IRX4: variants seen among roughly 807,000 people sequenced by gnomAD.
IRX4 encodes iroquois homeobox 4.
Under a neutral mutation model 32.0 loss-of-function variants are expected in IRX4, and 22 were observed. The observed-to-expected ratio is 0.69, with a 90% CI of 0.49 to 0.98. IRX4 has a LOEUF of 0.98. IRX4 is among the 50% of genes least tolerant of loss of function. The pLI, the probability that IRX4 is intolerant of heterozygous loss-of-function variation, is 0.00. For missense variants in IRX4, 840 were observed against 744.2 expected, an observed-to-expected ratio of 1.13 and a Z score of -1.50; for synonymous variants, 379 against 351.7, an observed-to-expected ratio of 1.08 and a Z score of -0.87.
At chr5:1,883,502 T>A (rs1272270273), upstream of IRX4, among the ~76,000 whole-genome samples, 1 of 152,150 alleles carries the variant, frequency 6.6e-6, no homozygotes, top group Non-Finnish European at 1.5e-5. Context: ...CAGAACCCAC[T>A]GCGGCCGCAA....
Position 1,879,804 on chromosome 5 carries a change from G to A in IRX4, c.436C>T (p.Arg146Cys). 2 of 1,614,046 alleles carry A rather than the reference G, an allele frequency of 1.2e-6. No individual in the cohort carries two copies. The highest frequency in any genetic ancestry group is 1.7e-6 in the Non-Finnish European group (2 of 1,180,024). The change falls in exon 4 of 5, where the codon CGC (arginine) becomes TGC (cysteine). Residue 146 changes from arginine (R) to cysteine (C), a missense_variant. Arg to Cys is a radical substitution (Grantham distance 180). Around this residue, in one of 3 missense-constraint regions of IRX4, gnomAD observed 241 missense variants for 220.8 expected, o/e 1.09. Coordinates refer to ENST00000231357, the MANE Select transcript of IRX4 (RefSeq NM_016358.3). ...GTGGTCTCGCGCGTGGCGTTCTTGCGCCGCGTGCCGCTGTCCATGGTTCCA... is the reference window on the plus strand; with the variant it reads ...GTGGTCTCGCGCGTGGCGTTCTTGCACCGCGTGCCGCTGTCCATGGTTCCA... Reference protein sequence around the residue: ...RYGTMDSGTRRKNATRETTST... With the variant: ...RYGTMDSGTRCKNATRETTST...
Position 1,878,516 on chromosome 5 carries a change from G to A in IRX4, c.1013C>T (p.Pro338Leu). 7.0e-7 allele frequency: 1 copy of A among 1,434,956 alleles called. No individual in the cohort carries two copies. Among genetic ancestry groups the A allele is most frequent in the Non-Finnish European group, 9.1e-7 (1 of 1,101,752 alleles). 88.9% of individuals were successfully genotyped at this position (1,434,956 alleles called of 1,614,324 possible). ...RSAAAGPEPL[P>L]GAEGGPQVCE... is the part of the protein sequence containing the mutation. ...GACCTGAGGGCCGCCCTCTGCGCCC[G>A]GCAGTGGCTCCGGCCCGGCCGCCGC... The change falls in exon 5 of 5, where the codon CCG becomes CTG. Residue 338 changes from proline (P) to leucine (L), a missense_variant. By Grantham distance (98) the Pro-to-Leu change is moderately conservative. Transcript: ENST00000231357.
chr5:1,881,688 G>A (rs1735445160), intron 2 of IRX4, 120 bp downstream of exon 2: 1 of 1,269,506 alleles, frequency 7.9e-7, no homozygotes, highest in Non-Finnish European at 1.1e-6. Flanking sequence ...AGGCAGCCAA[G>A]GTGAGCGCCT....
chr5:1,877,797 TG>T lies in IRX4; in HGVS notation c.*171del. On this transcript the variant is annotated 3_prime_UTR_variant, in exon 5 of 5. Transcript: ENST00000231357. ...GGCCCAGGCGGTGGAGGCCCCGGCG[TG>T]GCAGCGCCGGGCTTGTCCATGTTCC... 1.6e-6 allele frequency: 1 copy of T among 637,652 alleles called. No individual in the cohort carries two copies. Among genetic ancestry groups the T allele is most frequent in the Non-Finnish European group, 2.5e-6 (1 of 394,482 alleles). 39.5% of individuals were successfully genotyped at this position (637,652 alleles called of 1,614,324 possible).
intron 4 of IRX4, 62 bp from the exon 5 acceptor site, chr5:1,878,854 TC>T: frequency 6.5e-7 from 1 of 1,544,562 alleles, no homozygotes; most frequent in Non-Finnish European, 8.9e-7. Context: ...AGACCCCCTG[TC>T]CCCGTCCACC....
upstream of IRX4, among the ~76,000 whole-genome samples, chr5:1,883,181 CTT>C (rs1735516207): frequency 6.6e-6 from 1 of 152,214 alleles, no homozygotes; most frequent in Non-Finnish European, 1.5e-5. Context: ...CGGTGTTTCT[CTT>C]TAGTCACCCG....
Position 1,877,835 on chromosome 5 carries a change from G to A in IRX4, c.*134C>T. 3 of 834,180 alleles carry A rather than the reference G, an allele frequency of 3.6e-6. No individual in the cohort carries two copies. In the Admixed American group the frequency reaches 8.9e-5, roughly 25 times the overall value. The allele number at this position is 834,180 out of a possible 1,614,324, so 51.7% of individuals were successfully genotyped here. A position where few individuals can be genotyped will look rare whatever the true frequency, so the allele number is the denominator to read the frequency against. Reference sequence around the variant, plus strand: ...CTTGTCCATGTTCCCAGGAGTCCAAGTTCAGAAGCCCCCTCTCCGGTGGGT... The same window carrying A: ...CTTGTCCATGTTCCCAGGAGTCCAAATTCAGAAGCCCCCTCTCCGGTGGGT... On this transcript the variant is annotated 3_prime_UTR_variant, in exon 5 of 5. Coordinates refer to ENST00000231357, the MANE Select transcript of IRX4 (RefSeq NM_016358.3).
intron 4 of IRX4, 103 bp downstream of exon 4, chr5:1,879,401 T>C: frequency 6.4e-7 from 1 of 1,558,286 alleles, no homozygotes; most frequent in Non-Finnish European, 8.7e-7. Context: ...CGCCTAGGCA[T>C]GGGGCTCGGC....
intron 2 of IRX4, among the ~76,000 whole-genome samples, chr5:1,881,471 C>A (rs1156640718): frequency 6.7e-6 from 1 of 150,062 alleles, no homozygotes; most frequent in Non-Finnish European, 1.5e-5. Flanking sequence ...CTGAAGGAGG[C>A]GGGGAGAGGA....
intron 2 of IRX4, chr5:1,881,070 C>CGGGGGGGAGGGGGGGGGGGGGGGGG (rs1735416270): frequency 1.1e-5 from 1 of 92,252 alleles, no homozygotes; most frequent in Admixed American, 2.7e-4. Context: ...TGGGGGGGGG[C>CGGGGGGGAGGGGGGGGGGGGGGGGG]GGGGGGGAGG....
At chr5:1,880,683 G>C in intron 3 of IRX4, 42 bp downstream of exon 3, 2 of 1,343,058 alleles carry the variant, frequency 1.5e-6, no homozygotes, top group Non-Finnish European at 2.1e-6. Context: ...CAGTGCAGAG[G>C]GCCCGTGGGG....
Position 1,881,718 on chromosome 5 carries a change from G to C in IRX4, c.297+90C>G, listed in dbSNP as rs1735446171. On this transcript the variant is annotated intron_variant, in intron 2 of 4. Transcript: ENST00000231357. ...GCGCCTCCCCTCTGTGACAGTCCGG[G>C]GACCCGGACTGGCGCGCCTACTGGG... The C allele has an allele frequency of 8.0e-6, 12 of 1,492,080 alleles. No homozygotes were observed. The Middle Eastern group carries it at 1.1e-3, about 133-fold the overall frequency. 92.4% of individuals were successfully genotyped at this position (1,492,080 alleles called of 1,614,324 possible). A position where few individuals can be genotyped will look rare whatever the true frequency, so the allele number is the denominator to read the frequency against.
chr5:1,879,385 G>A (rs1487657628), intron 4 of IRX4, 119 bp downstream of exon 4: 1 of 1,505,546 alleles, frequency 6.6e-7, no homozygotes, highest in African/African-American at 1.4e-5. Context: ...CGGTTTGCAC[G>A]GTGACCGCCT....
chr5:1,884,850 C>T (rs1353472385), upstream of IRX4, among the ~76,000 whole-genome samples: 1 of 151,710 alleles, frequency 6.6e-6, no homozygotes, highest in Non-Finnish European at 1.5e-5. Flanking sequence ...CCCACCCTCC[C>T]TCCTCCCCAC....
chr5:1,880,397 T>G (rs567510651), intron 3 of IRX4, among the ~76,000 whole-genome samples: 1 of 152,264 alleles, frequency 6.6e-6, no homozygotes, highest in African/African-American at 2.4e-5. Flanking sequence ...CGGAAGGAGG[T>G]GCCCAGAGTC....
chr5:1,878,111 G>T lies in IRX4; in HGVS notation c.1418C>A (p.Ser473Ter). 6.5e-7 allele frequency: 1 copy of T among 1,539,826 alleles called. No homozygotes were observed. The highest frequency in any genetic ancestry group is 1.2e-5 in the South Asian group (1 of 84,078). Residue 473 changes from serine to a stop codon, truncating the protein, a stop_gained, in exon 5 of 5, where the codon TCG becomes TAG. Transcript: ENST00000231357. LOFTEE classifies it low-confidence loss of function (END_TRUNC). ...ALLDPGPLGR[S>*]LGAGANVLTA... ...CAGCACGTTCGCGCCCGCCCCCAGC[G>T]AGCGTCCCAGAGGCCCGGGGTCCAG...
rs1244018611 is a variant in IRX4, at chr5:1,877,756, G to A, written c.*213C>T. On this transcript the variant is annotated 3_prime_UTR_variant, in exon 5 of 5. Coordinates refer to ENST00000231357, the MANE Select transcript of IRX4 (RefSeq NM_016358.3). Reference sequence around the variant, plus strand: ...CCTTCCGCGTCCCAAATTTGGGAATGGCCCGGTCAGGCTCAGGCCCAGGCG... The same window carrying A: ...CCTTCCGCGTCCCAAATTTGGGAATAGCCCGGTCAGGCTCAGGCCCAGGCG... 1 of 535,386 alleles carries A rather than the reference G, an allele frequency of 1.9e-6. No homozygotes were observed. Among genetic ancestry groups the A allele is most frequent in the Admixed American group, 3.9e-5 (1 of 25,478 alleles). 33.2% of individuals were successfully genotyped at this position (535,386 alleles called of 1,614,324 possible).
upstream of IRX4, among the ~76,000 whole-genome samples, chr5:1,883,218 AAATT>A (rs1735517164): frequency 6.6e-6 from 1 of 152,210 alleles, no homozygotes; most frequent in South Asian, 2.1e-4. Context: ...TTTTAATTAG[AAATT>A]AATTAATGAG....
chr5:1,880,922 C>T, intron 2 of IRX4, 88 bp from the exon 3 acceptor site: 2 of 1,019,718 alleles, frequency 2.0e-6, no homozygotes, highest in East Asian at 2.4e-5. Context: ...CTCCCAAAGG[C>T]TTGGCAAGGA....
Sources: gnomAD v4.1 joint callset for allele counts (sites outside exome capture counted in the v4.1 genomes callset) on GRCh38, gnomAD v4.1.1 for gene constraint, gnomAD v4.1.1 regional missense constraint, MANE v1.5 for transcripts, NCBI Gene and HGNC (gene_info 2026-07-23, HGNC 2026-07-21) for gene names.